WNT2B: variants seen among roughly 807,000 people sequenced by gnomAD.
WNT2B encodes the protein Wnt family member 2B, also known as protein Wnt-2b.
A neutral mutation model predicts 40.5 loss-of-function variants in WNT2B; 19 were observed. That is an observed-to-expected ratio of 0.47 (90% confidence interval 0.33 to 0.69). The LOEUF (loss-of-function observed/expected upper bound fraction) is 0.69. WNT2B is among the 30% of genes least tolerant of loss of function. The pLI is 0.02. For missense variants in WNT2B, 467 were observed against 556.4 expected (o/e 0.84, Z 1.62); for synonymous variants, 220 against 211.9 (o/e 1.04, Z -0.33).
At chr1:112,495,034 G>T (rs976217810) in intron 1 of WNT2B, among the ~76,000 whole-genome samples, 1 of 151,332 alleles carries the variant, frequency 6.6e-6, no homozygotes, top group Non-Finnish European at 1.5e-5. Context: ...TTATTACAAG[G>T]TACTCACCCT....
At chr1:112,489,404 C>CA (rs201549284) in intron 1 of WNT2B, among the ~76,000 whole-genome samples, 65 of 147,804 alleles carry the variant, frequency 4.4e-4, no homozygotes, top group African/African-American at 9.2e-4. Flanking sequence ...ACTAAAAATA[C>CA]AAAAAAAAAA....
Position 112,516,319 on chromosome 1 carries a change from G to T in WNT2B, c.583G>T (p.Gly195Cys). ...WGGCSDNIHY[G>C]VRFAKAFVDA... ...TGGCTGCAGTGACAACATCCACTAC[G>T]GTGTCCGTTTTGCCAAGGCCTTCGT... The change falls in exon 3 of 5, where the codon GGT becomes TGT. Residue 195 changes from glycine to cysteine, a missense_variant. Gly to Cys is a radical substitution (Grantham distance 159, BLOSUM62 -3). Coordinates refer to ENST00000369684, the MANE Select transcript of WNT2B (RefSeq NM_024494.3). 6.2e-7 allele frequency: 1 copy of T among 1,614,060 alleles called. No homozygotes were observed. Among genetic ancestry groups the T allele is most frequent in the Non-Finnish European group, 8.5e-7 (1 of 1,180,032 alleles).
intron 3 of WNT2B, 61 bp from the exon 4 acceptor site, chr1:112,517,060 G>A (rs1652584974): frequency 6.4e-7 from 1 of 1,566,650 alleles, no homozygotes; most frequent in Non-Finnish European, 8.7e-7. Context: ...TTGGACCTAG[G>A]GATGACTAAA....
chr1:112,527,478 G>A lies in WNT2B; in HGVS notation c.*6969G>A, dbSNP rs1441136390. Reference sequence around the variant, plus strand: ...CTCCTGCATAGCAGCACAGCCCCATGAGGCCACACACCAGATGGAGGGGAT... The same window carrying A: ...CTCCTGCATAGCAGCACAGCCCCATAAGGCCACACACCAGATGGAGGGGAT... On this transcript the variant is annotated 3_prime_UTR_variant, in exon 5 of 5. Transcript: ENST00000369684. 1 of 152,714 alleles carries A rather than the reference G, an allele frequency of 6.5e-6. No homozygotes were observed. The highest frequency in any genetic ancestry group is 2.1e-4 in the South Asian group (1 of 4,832). The allele number at this position is 152,714 out of a possible 1,614,324, so 9.5% of individuals were successfully genotyped here.
chr1:112,486,395 G>T (rs1651418945), intron 1 of WNT2B, among the ~76,000 whole-genome samples: 1 of 151,962 alleles, frequency 6.6e-6, no homozygotes, highest in Admixed American at 6.6e-5. Flanking sequence ...ATGAGCCAAG[G>T]TCACACCACT....
intron 1 of WNT2B, among the ~76,000 whole-genome samples, chr1:112,489,892 C>T (rs1037147957): frequency 4.6e-5 from 7 of 152,114 alleles, no homozygotes; most frequent in Non-Finnish European, 7.4e-5. Flanking sequence ...CTTCAGTCTC[C>T]ACCCACAATT....
chr1:112,486,158 C>CACACACACACACACACACACACACA, intron 1 of WNT2B, among the ~76,000 whole-genome samples: 13 of 151,172 alleles, frequency 8.6e-5, no homozygotes, highest in Non-Finnish European at 1.0e-4. Flanking sequence ...CACACACACA[C>CACACACACACACACACACACACACA]CAGGCTGGGT....
intron 1 of WNT2B, among the ~76,000 whole-genome samples, chr1:112,499,294 T>A (rs1472864149): frequency 6.6e-6 from 1 of 152,050 alleles, no homozygotes; most frequent in South Asian, 2.1e-4. Context: ...GAGGACATAC[T>A]TCCTAACTTA....
chr1:112,478,538 C>T (rs941215508), intron 1 of WNT2B, among the ~76,000 whole-genome samples: 7 of 151,834 alleles, frequency 4.6e-5, no homozygotes, highest in East Asian at 1.9e-4. Context: ...AACTTGCTGA[C>T]CAGGAGAAAA....
chr1:112,499,077 G>A (rs1343549112), intron 1 of WNT2B, among the ~76,000 whole-genome samples: 2 of 152,050 alleles, frequency 1.3e-5, no homozygotes, highest in Non-Finnish European at 2.9e-5. Context: ...GTGGTGGCGT[G>A]CGCCTGTAAT....
intron 1 of WNT2B, 59 bp from the exon 2 acceptor site, chr1:112,514,815 T>G: frequency 1.3e-6 from 2 of 1,553,606 alleles, no homozygotes; most frequent in Non-Finnish European, 1.8e-6. Context: ...CCTTCCTTAT[T>G]CCCTCCCAAT....
chr1:112,490,199 C>T (rs548696849), intron 1 of WNT2B, among the ~76,000 whole-genome samples: 3 of 152,172 alleles, frequency 2.0e-5, no homozygotes, highest in South Asian at 4.1e-4. Flanking sequence ...AGCATTAACT[C>T]GACTCTCTGC....
chr1:112,502,241 G>A (rs992902663), intron 1 of WNT2B, among the ~76,000 whole-genome samples: 5 of 152,236 alleles, frequency 3.3e-5, no homozygotes, highest in African/African-American at 9.6e-5. Context: ...TCAGGAGCGC[G>A]TCCCCGTGCC....
intron 1 of WNT2B, among the ~76,000 whole-genome samples, chr1:112,474,235 T>A (rs945034557): frequency 7.2e-5 from 11 of 151,966 alleles, no homozygotes; most frequent in African/African-American, 2.4e-4. Flanking sequence ...AACCTCCGCC[T>A]CCCGGGTTCA....
chr1:112,489,593 G>T (rs1239395638), intron 1 of WNT2B, among the ~76,000 whole-genome samples: 1 of 151,852 alleles, frequency 6.6e-6, no homozygotes, highest in Non-Finnish European at 1.5e-5. Flanking sequence ...ACCCAAAGAG[G>T]TCTAAAGTCC....
intron 1 of WNT2B, among the ~76,000 whole-genome samples, chr1:112,503,285 C>A (rs1652014068): frequency 6.6e-6 from 1 of 152,112 alleles, no homozygotes; most frequent in South Asian, 2.1e-4. Context: ...AGATCTCTAC[C>A]CTACTTGTTT....
intron 1 of WNT2B, among the ~76,000 whole-genome samples, chr1:112,496,229 T>C (rs1414245638): frequency 6.6e-6 from 1 of 152,162 alleles, no homozygotes; most frequent in Non-Finnish European, 1.5e-5. Context: ...ATCATCCTGC[T>C]TTAGCCTCCC....
At chr1:112,506,781 G>A (rs1436884141), upstream of WNT2B, among the ~76,000 whole-genome samples, 2 of 152,244 alleles carry the variant, frequency 1.3e-5, no homozygotes, top group Admixed American at 1.3e-4. Context: ...AGGGAGAGAA[G>A]GGGAAGAAAA....
At chr1:112,518,371 C>T (rs1239694797) in intron 4 of WNT2B, 1 of 152,214 alleles carries the variant, frequency 6.6e-6, no homozygotes, top group Non-Finnish European at 1.5e-5. Context: ...GCCAAAAAAC[C>T]TCAGCTATCT....
Sources: gnomAD v4.1 joint callset for allele counts (sites outside exome capture counted in the v4.1 genomes callset) on GRCh38, gnomAD v4.1.1 for gene constraint, MANE v1.5 for transcripts, NCBI Gene and HGNC (gene_info 2026-07-23, HGNC 2026-07-21) for gene names.